TAFA1: variants seen among roughly 807,000 people sequenced by gnomAD.
The protein encoded by TAFA1 is TAFA chemokine like family member 1, also known as chemokine-like protein TAFA-1.
In TAFA1, 4 loss-of-function variants were observed where a neutral mutation model predicts 18.5. That is an observed-to-expected ratio of 0.22 (90% CI 0.11 to 0.49). TAFA1 has a LOEUF of 0.49. Among genes scored for constraint, TAFA1 ranks in the 20% least tolerant of loss-of-function variants. The pLI is 0.98. For missense variants in TAFA1, 147 were observed against 169.0 expected (o/e 0.87, Z 0.72); for synonymous variants, 56 against 55.2 (o/e 1.01, Z -0.06).
intron 2 of TAFA1, among the ~76,000 whole-genome samples, chr3:68,370,644 A>G (rs2069687235): frequency 6.7e-6 from 1 of 148,654 alleles, no homozygotes; most frequent in Admixed American, 6.8e-5. Context: ...TTCCTTTTCT[A>G]AGTGTGTGGG....
At chr3:68,155,811 A>G (rs1048424200) in intron 2 of TAFA1, among the ~76,000 whole-genome samples, 1 of 152,164 alleles carries the variant, frequency 6.6e-6, no homozygotes, top group African/African-American at 2.4e-5. Context: ...AACCTCCATT[A>G]TATCCCAGTT....
At chr3:68,324,436 A>G (rs1575777610) in intron 2 of TAFA1, among the ~76,000 whole-genome samples, 1 of 152,214 alleles carries the variant, frequency 6.6e-6, no homozygotes, top group African/African-American at 2.4e-5. Flanking sequence ...ACACACTTGT[A>G]GTCAATAAAT....
intron 2 of TAFA1, among the ~76,000 whole-genome samples, chr3:68,177,034 A>G (rs549142400): frequency 6.6e-6 from 1 of 152,324 alleles, no homozygotes; most frequent in East Asian, 1.9e-4. Flanking sequence ...CGAAGTCTTC[A>G]TAGACCTTAC....
intron 2 of TAFA1, among the ~76,000 whole-genome samples, chr3:68,144,405 C>G (rs540819513): frequency 6.6e-6 from 1 of 152,222 alleles, no homozygotes; most frequent in East Asian, 1.9e-4. Context: ...ATCTTATGAC[C>G]ATCACTTCCT....
intron 2 of TAFA1, among the ~76,000 whole-genome samples, chr3:68,279,711 T>C (rs2067864138): frequency 6.6e-6 from 1 of 152,182 alleles, no homozygotes; most frequent in Non-Finnish European, 1.5e-5. Context: ...GCCAAGGAGA[T>C]AGTTTTCTAT....
At chr3:68,434,627 C>T (rs1382930721) in intron 3 of TAFA1, among the ~76,000 whole-genome samples, 1 of 152,010 alleles carries the variant, frequency 6.6e-6, no homozygotes, top group South Asian at 2.1e-4. Flanking sequence ...AAACATGTAT[C>T]AGGATGAATT....
At chr3:68,020,498 G>A (rs2106795295) in intron 2 of TAFA1, among the ~76,000 whole-genome samples, 1 of 152,162 alleles carries the variant, frequency 6.6e-6, no homozygotes, top group South Asian at 2.1e-4. Flanking sequence ...GACAATGTTT[G>A]TTCTACACTT....
At chr3:68,017,193 G>A (rs941172751) in intron 2 of TAFA1, among the ~76,000 whole-genome samples, 5 of 152,180 alleles carry the variant, frequency 3.3e-5, no homozygotes, top group African/African-American at 1.2e-4. Context: ...TCCCGGATGG[G>A]GGTCTTATTA....
chr3:68,131,186 A>G (rs1422703369), intron 2 of TAFA1, among the ~76,000 whole-genome samples: 3 of 152,200 alleles, frequency 2.0e-5, no homozygotes, highest in Admixed American at 2.0e-4. Context: ...CTTTGAAACC[A>G]TAGCTAGTAA....
intron 2 of TAFA1, among the ~76,000 whole-genome samples, chr3:68,221,878 A>G (rs1559564016): frequency 6.6e-6 from 1 of 152,170 alleles, no homozygotes; most frequent in African/African-American, 2.4e-5. Context: ...GAACACAAAA[A>G]TTGGATACTT....
At chr3:68,543,766 C>T (rs573496047) in intron 4 of TAFA1, among the ~76,000 whole-genome samples, 5 of 152,218 alleles carry the variant, frequency 3.3e-5, no homozygotes, top group East Asian at 1.9e-4. Context: ...TCTGTACATG[C>T]GTCCTTTTGA....
chr3:68,470,480 A>G (rs1322799524), intron 3 of TAFA1, among the ~76,000 whole-genome samples: 1 of 152,184 alleles, frequency 6.6e-6, no homozygotes, highest in Non-Finnish European at 1.5e-5. Context: ...AACTTCCTAG[A>G]GACTTGTTGA....
intron 2 of TAFA1, among the ~76,000 whole-genome samples, chr3:68,316,995 G>A (rs180796396): frequency 6.6e-6 from 1 of 152,024 alleles, no homozygotes; most frequent in Non-Finnish European, 1.5e-5. Context: ...TTTGATAGCA[G>A]TATATGAGTG....
chr3:68,242,367 C>A (rs774436401), intron 2 of TAFA1, among the ~76,000 whole-genome samples: 1 of 152,126 alleles, frequency 6.6e-6, no homozygotes, highest in Non-Finnish European at 1.5e-5. Flanking sequence ...CTTTTCTTTG[C>A]ACAGTCTAAA....
At chr3:68,191,363 C>A (rs895589368) in intron 2 of TAFA1, among the ~76,000 whole-genome samples, 1 of 151,658 alleles carries the variant, frequency 6.6e-6, no homozygotes, top group East Asian at 1.9e-4. Flanking sequence ...TTCAGCATGG[C>A]GGTATTTATT....
chr3:68,338,292 C>G (rs951079382), intron 2 of TAFA1, among the ~76,000 whole-genome samples: 3 of 152,310 alleles, frequency 2.0e-5, no homozygotes, highest in African/African-American at 7.2e-5. Flanking sequence ...AATTCCAAAG[C>G]AATTGCCTTT....
At chr3:68,329,162 C>T (rs2068822257) in intron 2 of TAFA1, among the ~76,000 whole-genome samples, 1 of 150,212 alleles carries the variant, frequency 6.7e-6, no homozygotes, top group South Asian at 2.1e-4. Context: ...AATTCTTTTG[C>T]CTCAGCCTCC....
At chr3:68,238,927 G>T (rs1476914812) in intron 2 of TAFA1, among the ~76,000 whole-genome samples, 1 of 152,100 alleles carries the variant, frequency 6.6e-6, no homozygotes, top group Non-Finnish European at 1.5e-5. Flanking sequence ...ATGATCTATG[G>T]AATTCTTTGG....
intron 2 of TAFA1, among the ~76,000 whole-genome samples, chr3:68,310,577 T>A (rs1425374308): frequency 6.6e-6 from 1 of 152,218 alleles, no homozygotes; most frequent in Non-Finnish European, 1.5e-5. Flanking sequence ...TTTCAAATTA[T>A]AATTCATATA....
Sources: allele counts gnomAD v4.1 joint callset (sites outside exome capture counted in the v4.1 genomes callset), GRCh38; gene constraint gnomAD v4.1.1; transcripts MANE v1.5; gene names NCBI Gene and HGNC (gene_info 2026-07-23, HGNC 2026-07-21).